ITGA11: variants seen among roughly 807,000 people sequenced by gnomAD.
ITGA11 encodes integrin subunit alpha 11.
A neutral mutation model predicts 141.9 loss-of-function variants in ITGA11; 97 were observed. The observed-to-expected ratio is 0.68, with a 90% confidence interval of 0.58 to 0.81. The LOEUF (loss-of-function observed/expected upper bound fraction) is 0.81, where lower values mean the gene tolerates loss of function less well. Among genes scored for constraint, ITGA11 ranks in the 30% least tolerant of loss-of-function variants. The probability of loss-of-function intolerance (pLI) is 0.00; values close to 1 mark genes in which losing one functional copy is unlikely to be tolerated. For missense variants in ITGA11, 1,387 were observed against 1,559.2 expected, an observed-to-expected ratio of 0.89 and a Z score of 1.86; for synonymous variants, 658 against 624.6, an observed-to-expected ratio of 1.05 and a Z score of -0.80.
In ITGA11 at chr15:68,326,638, G is replaced by A; in HGVS notation, c.2211+16C>T. 1 of 1,579,740 alleles carries A rather than the reference G, an allele frequency of 6.3e-7. No individual in the cohort carries two copies. Among genetic ancestry groups the A allele is most frequent in the Non-Finnish European group, 8.6e-7 (1 of 1,162,618 alleles). On this transcript the variant is annotated intron_variant, in intron 17 of 29. Transcript: ENST00000315757. This position sits in a 1 kb window ranked among gnomAD's most constrained non-coding sequence, Gnocchi z 6.8. ...CTATAGGAGCTTGGGCTCTGCTGGTGGGGCTGCCAGCTTACCAGGACATGG... is the reference window on the plus strand; with the variant it reads ...CTATAGGAGCTTGGGCTCTGCTGGTAGGGCTGCCAGCTTACCAGGACATGG...
chr15:68,407,345 G>T (rs371027253), intron 1 of ITGA11, among the ~76,000 whole-genome samples: 4 of 152,332 alleles, frequency 2.6e-5, no homozygotes, highest in South Asian at 4.1e-4. Context: ...CGTCTCCAGA[G>T]ACCAGTTGGC....
chr15:68,348,783 C>G, intron 10 of ITGA11, 47 bp downstream of exon 10: 1 of 1,529,560 alleles, frequency 6.5e-7, no homozygotes, highest in Non-Finnish European at 8.9e-7. Flanking sequence ...AGAGCATGCC[C>G]TCGAGAGACA....
intron 1 of ITGA11, among the ~76,000 whole-genome samples, chr15:68,406,583 T>G (rs551274842): frequency 6.6e-6 from 1 of 152,310 alleles, no homozygotes; most frequent in South Asian, 2.1e-4. Flanking sequence ...TTTTTCCTCA[T>G]AGCGTTTATC....
chr15:68,363,851 T>A (rs751549449), intron 4 of ITGA11, among the ~76,000 whole-genome samples: 2 of 152,098 alleles, frequency 1.3e-5, no homozygotes, highest in African/African-American at 2.4e-5. Context: ...ATGTGCAGAG[T>A]CCATATGTGC....
chr15:68,339,192 G>T (rs1184740854), intron 11 of ITGA11, among the ~76,000 whole-genome samples: 1 of 152,228 alleles, frequency 6.6e-6, no homozygotes, highest in Non-Finnish European at 1.5e-5. Context: ...AAAGCTTTAA[G>T]GCACAACAAC....
At chr15:68,365,055 T>G in intron 3 of ITGA11, 1 of 826,240 alleles carries the variant, frequency 1.2e-6, no homozygotes, top group Non-Finnish European at 1.5e-6. Flanking sequence ...CACCGAGCCT[T>G]CTATCTCCTA....
chr15:68,423,309 T>C (rs1402803102), intron 1 of ITGA11, among the ~76,000 whole-genome samples: 2 of 151,886 alleles, frequency 1.3e-5, no homozygotes, highest in African/African-American at 2.4e-5. Context: ...ACCTGACTGA[T>C]TGAGGAGGTC....
At chr15:68,380,874 A>G (rs1308386146) in intron 2 of ITGA11, among the ~76,000 whole-genome samples, 1 of 152,094 alleles carries the variant, frequency 6.6e-6, no homozygotes, top group African/African-American at 2.4e-5. Context: ...TTCTTGCCTC[A>G]CTTGTCCAGA....
intron 11 of ITGA11, among the ~76,000 whole-genome samples, chr15:68,337,707 C>G (rs1254335491): frequency 1.3e-5 from 2 of 149,666 alleles, no homozygotes; most frequent in Admixed American, 6.8e-5. Flanking sequence ...AGCTCTCACT[C>G]AGATATGTTC....
Position 68,414,683 on chromosome 15 carries a change from C to T in ITGA11, c.53-11654G>A, listed in dbSNP as rs540405927. Among the ~76,000 whole-genome samples the T allele has an allele frequency of 3.3e-3, 505 of 152,260 alleles. 5 individuals are homozygous for T. The highest frequency in any genetic ancestry group is 1.0e-2 in the African/African-American group (415 of 41,554). ...AGGGGAGGAGCAGGCAGACTGGCAC[C>T]GGGGGCACTCCCGTGGGCAGGCCAA... On this transcript the variant is annotated intron_variant, in intron 1 of 29. Transcript: ENST00000315757.
chr15:68,331,731 G>A, intron 14 of ITGA11, 128 bp downstream of exon 14: 1 of 824,512 alleles, frequency 1.2e-6, no homozygotes, highest in Non-Finnish European at 1.9e-6. Context: ...GGCCAGGACA[G>A]ATTGGCATCC....
intron 26 of ITGA11, among the ~76,000 whole-genome samples, chr15:68,310,634 C>T (rs979337470): frequency 2.6e-5 from 4 of 152,296 alleles, no homozygotes; most frequent in South Asian, 2.1e-4. Flanking sequence ...GTTCTGGCTG[C>T]GTCTGTTTTC....
chr15:68,392,579 G>A lies in ITGA11; in HGVS notation c.164+10339C>T, dbSNP rs192896508. Among the ~76,000 whole-genome samples, 91 of 152,282 alleles carry A rather than the reference G, an allele frequency of 6.0e-4. 1 individual carries two copies. The highest frequency in any genetic ancestry group is 2.2e-3 in the African/African-American group (90 of 41,566). ...AAGCTCTGTTGAAAGTTTCCCTCAGGTTCTTGGCTGACTCCTAAGCTGTGT... is the reference window on the plus strand; with the variant it reads ...AAGCTCTGTTGAAAGTTTCCCTCAGATTCTTGGCTGACTCCTAAGCTGTGT... On this transcript the variant is annotated intron_variant, in intron 2 of 29. Transcript: ENST00000315757.
intron 28 of ITGA11, among the ~76,000 whole-genome samples, chr15:68,306,484 G>A (rs1012388897): frequency 2.0e-5 from 3 of 152,120 alleles, no homozygotes; most frequent in East Asian, 1.9e-4. Flanking sequence ...GCTCCCCTCC[G>A]GGCCTGTGCT....
chr15:68,303,464 G>T lies in ITGA11; in HGVS notation c.3495+308C>A, dbSNP rs115876196. Among the ~76,000 whole-genome samples, 1 of 152,140 alleles carries T rather than the reference G, an allele frequency of 6.6e-6. No individual in the cohort carries two copies. The highest frequency in any genetic ancestry group is 1.5e-5 in the Non-Finnish European group (1 of 68,010). ...AGCTTCAGAGACAGAGATGGACTTC[G>T]GGAGGTTTGTTAACAGCTTGACATT... On this transcript the variant is annotated intron_variant, in intron 29 of 29. Transcript: ENST00000315757. The surrounding 1 kb of genome is among the most constrained non-coding windows in gnomAD (Gnocchi z 5.3).
intron 2 of ITGA11, among the ~76,000 whole-genome samples, chr15:68,384,473 C>G (rs1403301606): frequency 7.2e-5 from 11 of 152,106 alleles, no homozygotes; most frequent in Admixed American, 7.2e-4. Context: ...GAAGATGCCC[C>G]AGCTCCTGCC....
chr15:68,417,028 C>CT lies in ITGA11; in HGVS notation c.53-14000dup, dbSNP rs568699883. 2.4e-3 allele frequency among the ~76,000 whole-genome samples: 357 copies of CT among 151,456 alleles called. 1 individual carries two copies. Among genetic ancestry groups the CT allele is most frequent in the Non-Finnish European group, 4.3e-3 (291 of 67,772 alleles). ...GAAAAGTGATCAAAATGGACCTCCT[C>CT]TTTTTTTTTGAGACAGAGTCTTGCT... On this transcript the variant is annotated intron_variant, in intron 1 of 29. Coordinates refer to ENST00000315757, the MANE Select transcript of ITGA11 (RefSeq NM_001004439.2).
intron 3 of ITGA11, among the ~76,000 whole-genome samples, chr15:68,365,737 TTTC>T (rs1268860333): frequency 2.6e-5 from 4 of 151,420 alleles, no homozygotes. Context: ...TCCCCTCCCT[TTTC>T]TTTTCTTTTT....
chr15:68,371,845 T>C (rs562568996), intron 2 of ITGA11, among the ~76,000 whole-genome samples: 1 of 152,114 alleles, frequency 6.6e-6, no homozygotes, highest in African/African-American at 2.4e-5. Flanking sequence ...GACAATCTGG[T>C]AGTAAATTCA....
Sources: gnomAD v4.1 joint callset for allele counts (sites outside exome capture counted in the v4.1 genomes callset) on GRCh38, gnomAD v4.1.1 for gene constraint, Gnocchi (gnomAD v3.1) non-coding constraint, MANE v1.5 for transcripts, NCBI Gene and HGNC (gene_info 2026-07-23, HGNC 2026-07-21) for gene names.